MDN1: variants seen among roughly 807,000 people sequenced by gnomAD.
MDN1 encodes midasin AAA ATPase 1, also known as midasin.
A neutral mutation model predicts 669.2 loss-of-function variants in MDN1; 266 were observed. That is an observed-to-expected ratio of 0.40 (90% CI 0.36 to 0.44). MDN1 has a LOEUF of 0.44. Among genes scored for constraint, MDN1 ranks in the 20% least tolerant of loss-of-function variants. The pLI is 1.00. For missense variants in MDN1, 5,940 were observed against 6,754.0 expected, an observed-to-expected ratio of 0.88 and a Z score of 4.22; for synonymous variants, 2,385 against 2,457.1, an observed-to-expected ratio of 0.97 and a Z score of 0.87.
At position 89,714,531 on chromosome 6, in the gene MDN1, C is replaced by A. The variant is rs1242262602; in HGVS notation, c.7069+12G>T. The stretch of plus-strand genomic sequence containing the variant: ...TAAAACTCTGCAAAGGCCCAAAAGT[C>A]AAGCACCTCACCTACAACAGTGCTC... On this transcript the variant is annotated intron_variant, in intron 46 of 101. Coordinates refer to ENST00000369393, the MANE Select transcript of MDN1 (RefSeq NM_014611.3). 1.3e-6 allele frequency: 2 copies of A among 1,573,504 alleles called. No homozygotes were observed. Among genetic ancestry groups the A allele is most frequent in the African/African-American group, 1.4e-5 (1 of 73,286 alleles).
Position 89,653,159 on chromosome 6 carries a change from T to G in MDN1, c.15662-4A>C. 1.9e-6 allele frequency: 3 copies of G among 1,606,336 alleles called. No individual in the cohort carries two copies. The East Asian group carries it at 6.7e-5, about 36-fold the overall frequency. The stretch of plus-strand genomic sequence containing the variant: ...TCCACTTCCATCTCATCAAAGCCTA[T>G]TTTCATTTAAGGACATAATTTTACT... On this transcript the variant is annotated splice_region_variant and splice_polypyrimidine_tract_variant and intron_variant, in intron 93 of 101. Transcript: ENST00000369393.
chr6:89,656,631 G>C, intron 91 of MDN1, 69 bp downstream of exon 91: 1 of 904,624 alleles, frequency 1.1e-6, no homozygotes, highest in Non-Finnish European at 1.6e-6. Context: ...TTTTTTTAAA[G>C]CACTACGTTT....
chr6:89,662,781 C>A lies in MDN1; in HGVS notation c.14412+11G>T, dbSNP rs1809892130. The stretch of plus-strand genomic sequence containing the variant: ...TCAGCTTGTTTGGGAGGGGAGAAAT[C>A]TTTGAATTACCTCATCCATTCCTGG... On this transcript the variant is annotated intron_variant, in intron 86 of 101. Transcript: ENST00000369393. 1.9e-6 allele frequency: 3 copies of A among 1,613,664 alleles called. No homozygotes were observed. The East Asian group carries it at 6.7e-5, about 36-fold the overall frequency.
Position 89,745,275 on chromosome 6 carries a change from A to C in MDN1, c.4176T>G (p.Thr1392=). The C allele has an allele frequency of 6.2e-7, 1 of 1,613,844 alleles. No individual in the cohort carries two copies. Residue 1392 remains threonine, a splice_region_variant and synonymous_variant, in exon 29 of 102, where the codon ACT becomes ACG. Transcript: ENST00000369393. ...FGEPVLLVGD[T]GCGKTTICQV... ...GAGTCACTGTCACAGATCTTTACCCAGTGTCTCCAACCAGCAGCACAGGTT... is the reference window on the plus strand; with the variant it reads ...GAGTCACTGTCACAGATCTTTACCCCGTGTCTCCAACCAGCAGCACAGGTT...
chr6:89,761,687 C>A lies in MDN1; in HGVS notation c.2418G>T (p.Gln806His). Residue 806 changes from glutamine to histidine, a missense_variant, in exon 17 of 102, where the codon CAG becomes CAT. Around this residue, in one of 5 missense-constraint regions of MDN1, gnomAD observed 1,203 missense variants for 1,268.9 expected, o/e 0.95. Coordinates refer to ENST00000369393, the MANE Select transcript of MDN1 (RefSeq NM_014611.3). ...ATAAGGTATTTTCAGTCATTTTCAT[C>A]TGTTGTTGGGCATGGTTGAGTCTAA... ...FGLRLNHAQQ[Q>H]MKMTENTLLF... 6.2e-7 allele frequency: 1 copy of A among 1,612,716 alleles called. No individual in the cohort carries two copies. The highest frequency in any genetic ancestry group is 1.3e-5 in the African/African-American group (1 of 75,014).
rs201396909 is a variant in MDN1 at position 89,723,071 on chromosome 6, G to A, written c.5851C>T (p.Leu1951Phe). ...AGCATCAACTGACACCAGCGGAAAA[G>A]GTCCCGGAGGTTGAATTCCCAGGGT... is the stretch of plus-strand genomic sequence containing the variant. ...GGPWEFNLRDLFRWCQLMLVD... is the reference protein window; with the variant it reads ...GGPWEFNLRDFFRWCQLMLVD... Residue 1951 changes from leucine (L) to phenylalanine (F), a missense_variant, in exon 40 of 102, where the codon CTT (leucine) becomes TTT (phenylalanine). Coordinates refer to ENST00000369393, the MANE Select transcript of MDN1 (RefSeq NM_014611.3). 3 of 1,613,972 alleles carry A rather than the reference G, an allele frequency of 1.9e-6. No individual in the cohort carries two copies. In the African/African-American group the frequency reaches 4.0e-5, roughly 22 times the overall value.
intron 2 of MDN1, among the ~76,000 whole-genome samples, chr6:89,802,556 G>A (rs1441288207): frequency 2.0e-5 from 3 of 151,958 alleles, no homozygotes; most frequent in African/African-American, 7.3e-5. Flanking sequence ...GGTGGTGTGC[G>A]CGCCTGTAGT....
chr6:89,688,211 C>T (rs774635667), intron 66 of MDN1, 38 bp from the exon 67 acceptor site: 13 of 1,560,970 alleles, frequency 8.3e-6, no homozygotes, highest in Non-Finnish European at 1.1e-5. Flanking sequence ...AGTAGGAATA[C>T]CAGTGATCCT....
chr6:89,652,449 C>T (rs980540495), intron 94 of MDN1, among the ~76,000 whole-genome samples, 168 bp from the exon 95 acceptor site: 2 of 152,246 alleles, frequency 1.3e-5, no homozygotes, highest in Admixed American at 6.5e-5. Context: ...AGATGCCAGA[C>T]AAGCATTCTG....
At chr6:89,681,237 G>T (rs534907916) in intron 73 of MDN1, among the ~76,000 whole-genome samples, 1 of 151,952 alleles carries the variant, frequency 6.6e-6, no homozygotes, top group African/African-American at 2.4e-5. Context: ...GCAGTGACCC[G>T]ATGTTGGCTC....
chr6:89,659,656 C>T (rs911401194), intron 88 of MDN1, among the ~76,000 whole-genome samples: 1 of 151,906 alleles, frequency 6.6e-6, no homozygotes, highest in Non-Finnish European at 1.5e-5. Flanking sequence ...CATAAACAAA[C>T]AAACAAACAA....
intron 26 of MDN1, among the ~76,000 whole-genome samples, chr6:89,748,268 G>A (rs1816767665): frequency 1.3e-5 from 2 of 152,206 alleles, no homozygotes; most frequent in Admixed American, 6.5e-5. Context: ...GGAGGTTGCA[G>A]TGAGCTGAGA....
At chr6:89,742,009 A>G (rs1172154191) in intron 31 of MDN1, among the ~76,000 whole-genome samples, 3 of 152,136 alleles carry the variant, frequency 2.0e-5, no homozygotes, top group African/African-American at 7.2e-5. Context: ...GCTGAATGAA[A>G]AGAATGGCTT....
In MDN1 at chr6:89,687,433, C is replaced by A. The variant is rs1812092098; in HGVS notation, c.11361G>T (p.Trp3787Cys). The change falls in exon 68 of 102, where the codon TGG (tryptophan) becomes TGT (cysteine). Residue 3787 changes from tryptophan to cysteine, a missense_variant. Around this residue, in one of 5 missense-constraint regions of MDN1, gnomAD observed 2,280 missense variants for 2,576.3 expected, o/e 0.88. Coordinates refer to ENST00000369393, the MANE Select transcript of MDN1 (RefSeq NM_014611.3). ...ACAAAGCTCGACTTGCATTTTCCTC[C>A]CAATCCTAAAGAAACAAAGATAAAA... ...LEILLAKAQD[W>C]EENASRALSL... The A allele has an allele frequency of 6.2e-7, 1 of 1,613,446 alleles. No homozygotes were observed.
intron 44 of MDN1, 48 bp from the exon 45 acceptor site, chr6:89,715,817 A>C: frequency 8.0e-7 from 1 of 1,256,966 alleles, no homozygotes; most frequent in East Asian, 2.3e-5. Context: ...TGCTGCATTG[A>C]CTCTTCTTTC....
chr6:89,745,188 T>A (rs1293631326), intron 29 of MDN1, 85 bp downstream of exon 29: 33 of 1,097,734 alleles, frequency 3.0e-5, no homozygotes, highest in Non-Finnish European at 3.6e-5. Flanking sequence ...GGGGGATTAA[T>A]ACTTTCATGA....
rs1817354432 is a variant in MDN1, at chr6:89,758,249, C to G, written c.2702+6G>C. On this transcript the variant is annotated splice_donor_region_variant and intron_variant, in intron 19 of 101. Transcript: ENST00000369393. ...AAAGGAAAGTCTCCAAGAACCAAAC[C>G]CTCACCTGTTTCTTATTCCTGGTGG... The G allele has an allele frequency of 1.2e-6, 2 of 1,601,238 alleles. No individual in the cohort carries two copies. The highest frequency in any genetic ancestry group is 2.7e-5 in the African/African-American group (2 of 74,888).
At chr6:89,744,134 A>C (rs374511479) in intron 29 of MDN1, among the ~76,000 whole-genome samples, 2 of 147,086 alleles carry the variant, frequency 1.4e-5, no homozygotes, top group Admixed American at 6.8e-5. Flanking sequence ...AAAAAAAACC[A>C]CCACCAAGAG....
At chr6:89,670,491 T>C (rs1810675362) in intron 83 of MDN1, among the ~76,000 whole-genome samples, 1 of 152,050 alleles carries the variant, frequency 6.6e-6, no homozygotes, top group African/African-American at 2.4e-5. Flanking sequence ...AACACTCTAA[T>C]AATAACAGGC....
Sources: allele counts gnomAD v4.1 joint callset (sites outside exome capture counted in the v4.1 genomes callset), GRCh38; gene constraint gnomAD v4.1.1; regional missense constraint gnomAD v4.1.1; transcripts MANE v1.5; gene names NCBI Gene and HGNC (gene_info 2026-07-23, HGNC 2026-07-21).